Variants in SMG6 observed in about 807,000 individuals in gnomAD.
The protein encoded by SMG6 is telomerase-binding protein EST1A.
SMG6 carries 66 observed loss-of-function variants against 142.2 expected under a neutral mutation model. That is an observed-to-expected ratio of 0.46 (90% CI 0.38 to 0.57). SMG6 has a LOEUF of 0.57. SMG6 is among the 20% of genes least tolerant of loss of function. The probability of loss-of-function intolerance (pLI) is 0.00; values close to 1 mark genes in which losing one functional copy is unlikely to be tolerated. For missense variants in SMG6, 1,793 were observed against 1,832.0 expected, an observed-to-expected ratio of 0.98 and a Z score of 0.39; for synonymous variants, 779 against 702.4, an observed-to-expected ratio of 1.11 and a Z score of -1.72.
At chr17:2,110,812 C>T (rs1251930543) in intron 13 of SMG6, among the ~76,000 whole-genome samples, 1 of 152,160 alleles carries the variant, frequency 6.6e-6, no homozygotes, top group Non-Finnish European at 1.5e-5. Flanking sequence ...GCTCCCACCC[C>T]AGAGGAATCA....
At chr17:2,185,379 T>C (rs2071946130) in intron 12 of SMG6, among the ~76,000 whole-genome samples, 1 of 151,706 alleles carries the variant, frequency 6.6e-6, no homozygotes, top group African/African-American at 2.4e-5. Context: ...CAGACACAGA[T>C]ATAGACAAAG....
rs577216686 is a variant in SMG6, at chr17:2,094,014, A to G, written c.3358-8113T>C. Among the ~76,000 whole-genome samples, 4 of 152,240 alleles carry G rather than the reference A, an allele frequency of 2.6e-5. No homozygotes were observed. In the South Asian group the frequency reaches 8.3e-4, roughly 32 times the overall value. ...CCTCTCTTCAGCAATCCCTCTCCCT[A>G]TTCTTCAGAAAGACTCCGGACCTAA... On this transcript the variant is annotated intron_variant, in intron 13 of 18. Coordinates refer to ENST00000263073, the MANE Select transcript of SMG6 (RefSeq NM_017575.5).
At chr17:2,186,854 C>A in intron 11 of SMG6, 23 bp from the exon 12 acceptor site, 5 of 1,612,194 alleles carry the variant, frequency 3.1e-6, no homozygotes, top group East Asian at 2.2e-5. Context: ...AGGGTGAGAA[C>A]TGGGCCTATG....
At chr17:2,170,338 G>C in intron 13 of SMG6, among the ~76,000 whole-genome samples, 1 of 152,156 alleles carries the variant, frequency 6.6e-6, no homozygotes, top group Non-Finnish European at 1.5e-5. Context: ...GATGAAGATG[G>C]GGCGTAGGAA....
In SMG6 at chr17:2,299,730, G is replaced by A; in HGVS notation, c.1023C>T (p.Asn341=). ...GAGTGCCTCGATATTCTTTAGCACT[G>A]TTTTTCTGCTCACCCTCCCCACGGC... is the stretch of plus-strand genomic sequence containing the variant. ...WSGRGEGEQK[N]SAKEYRGTLR... The change falls in exon 2 of 19, where the codon AAC becomes AAT. Residue 341 remains asparagine (N), a synonymous_variant. Coordinates refer to ENST00000263073, the MANE Select transcript of SMG6 (RefSeq NM_017575.5). This position sits in a 1 kb window ranked among gnomAD's most constrained non-coding sequence, Gnocchi z 4.3. 1 of 1,614,162 alleles carries A rather than the reference G, an allele frequency of 6.2e-7. No homozygotes were observed. Among genetic ancestry groups the A allele is most frequent in the Non-Finnish European group, 8.5e-7 (1 of 1,180,026 alleles).
intron 13 of SMG6, among the ~76,000 whole-genome samples, chr17:2,091,167 G>T (rs974348200): frequency 2.6e-5 from 4 of 152,198 alleles, no homozygotes; most frequent in Non-Finnish European, 5.9e-5. Flanking sequence ...GGGTGGGCCA[G>T]CCTACGAAGG....
chr17:2,240,416 A>G (rs1419357558), intron 9 of SMG6, among the ~76,000 whole-genome samples: 1 of 152,118 alleles, frequency 6.6e-6, no homozygotes, highest in Non-Finnish European at 1.5e-5. Context: ...AACGAGCAAG[A>G]TACGAATAAC....
intron 13 of SMG6, among the ~76,000 whole-genome samples, chr17:2,150,106 G>C (rs116142986): frequency 6.6e-6 from 1 of 152,208 alleles, no homozygotes; most frequent in South Asian, 2.1e-4. Context: ...GGAAGAGAGC[G>C]GTCAAAGCAA....
chr17:2,220,162 A>G (rs1416742789), intron 10 of SMG6, among the ~76,000 whole-genome samples: 1 of 152,124 alleles, frequency 6.6e-6, no homozygotes, highest in Non-Finnish European at 1.5e-5. Flanking sequence ...GGCTCAAGTG[A>G]TCTGCCTGCA....
chr17:2,238,331 C>A (rs1214384712), intron 9 of SMG6, among the ~76,000 whole-genome samples: 1 of 152,120 alleles, frequency 6.6e-6, no homozygotes, highest in Non-Finnish European at 1.5e-5. Flanking sequence ...ATTTCAAGTA[C>A]CCACCCCTCC....
At chr17:2,186,904 G>T in intron 11 of SMG6, 73 bp from the exon 12 acceptor site, 1 of 1,523,248 alleles carries the variant, frequency 6.6e-7, no homozygotes, top group Non-Finnish European at 8.9e-7. Flanking sequence ...GCGCTGGGAC[G>T]GCAGCAAGCT....
At chr17:2,222,261 T>C (rs772668246) in intron 10 of SMG6, among the ~76,000 whole-genome samples, 1 of 151,778 alleles carries the variant, frequency 6.6e-6, no homozygotes, top group Non-Finnish European at 1.5e-5. Flanking sequence ...AATTGGAAGA[T>C]AAAGAGTGCA....
At chr17:2,277,155 TTATTTATTTATTTTTTA>T (rs2074670512) in intron 8 of SMG6, among the ~76,000 whole-genome samples, 1 of 81,962 alleles carries the variant, frequency 1.2e-5, no homozygotes, top group African/African-American at 5.8e-5. Flanking sequence ...ATTTATTTAT[TTATTTATTTATTTTTTA>T]TTTTTTTTTT....
In SMG6 at chr17:2,068,981, T is replaced by C; in HGVS notation, c.3682-50A>G. On this transcript the variant is annotated intron_variant, in intron 15 of 18. Transcript: ENST00000263073. This position sits in a 1 kb window ranked among gnomAD's most constrained non-coding sequence, Gnocchi z 6.7. ...GCCAGACAGCGAGCAGGCAAGCAGG[T>C]GGGTGAGCCAGGGCCCTGACACTAC... 1 of 1,597,326 alleles carries C rather than the reference T, an allele frequency of 6.3e-7. No homozygotes were observed. The highest frequency in any genetic ancestry group is 8.6e-7 in the Non-Finnish European group (1 of 1,168,754).
intron 8 of SMG6, among the ~76,000 whole-genome samples, chr17:2,258,023 A>AT (rs1341487071): frequency 0.035 from 3,073 of 87,930 alleles, 132 homozygotes; most frequent in East Asian, 0.088. Flanking sequence ...AAAAAAAAAA[A>AT]AAAAAAAAAA....
rs2068522174 is a variant in SMG6, at chr17:2,085,135, C to T, written c.3534+590G>A. On this transcript the variant is annotated intron_variant, in intron 14 of 18. Coordinates refer to ENST00000263073, the MANE Select transcript of SMG6 (RefSeq NM_017575.5). This position sits in a 1 kb window ranked among gnomAD's most constrained non-coding sequence, Gnocchi z 4.1. ...GCATGTGCATGCGCGTGCGCACACA[C>T]ACACACAGACGCGCACACACACACA... Among the ~76,000 whole-genome samples the T allele has an allele frequency of 6.6e-6, 1 of 152,110 alleles. No individual in the cohort carries two copies. Among genetic ancestry groups the T allele is most frequent in the Admixed American group, 6.5e-5 (1 of 15,280 alleles).
intron 6 of SMG6, among the ~76,000 whole-genome samples, chr17:2,285,397 C>G (rs1321756602): frequency 6.6e-6 from 1 of 151,972 alleles, no homozygotes; most frequent in Non-Finnish European, 1.5e-5. Context: ...GAATCTAGGT[C>G]AGAGGTCTGT....
At chr17:2,114,226 C>T (rs183947017) in intron 13 of SMG6, among the ~76,000 whole-genome samples, 6 of 152,238 alleles carry the variant, frequency 3.9e-5, no homozygotes, top group African/African-American at 7.2e-5. Flanking sequence ...GCCTAGATTG[C>T]GCCATTGCAC....
In SMG6 at chr17:2,216,303, T is replaced by C. The variant is rs190011597; in HGVS notation, c.2869+20189A>G. ...GTAATAGGAATTTTTTTTACAGATT[T>C]GGCTTTCTACTGTCTTCAGAGGGAG... On this transcript the variant is annotated intron_variant, in intron 10 of 18. Transcript: ENST00000263073. Among the ~76,000 whole-genome samples, 472 of 152,186 alleles carry C rather than the reference T, an allele frequency of 3.1e-3. 3 individuals carry two copies. Among genetic ancestry groups the C allele is most frequent in the Non-Finnish European group, 5.2e-3 (355 of 68,010 alleles).
Sources: allele counts gnomAD v4.1 joint callset (sites outside exome capture counted in the v4.1 genomes callset), GRCh38; gene constraint gnomAD v4.1.1; non-coding constraint Gnocchi (gnomAD v3.1); transcripts MANE v1.5; gene names NCBI Gene and HGNC (gene_info 2026-07-23, HGNC 2026-07-21).